The following NCKAP1L variants were observed in gnomAD, a reference collection of about 807,000 sequenced individuals.
The protein encoded by NCKAP1L is NCK associated protein 1 like.
Under a neutral mutation model 139.2 loss-of-function variants are expected in NCKAP1L, and 53 were observed. The observed-to-expected ratio is 0.38, with a 90% CI of 0.31 to 0.48. The LOEUF (loss-of-function observed/expected upper bound fraction) is 0.48, where lower values mean the gene tolerates loss of function less well. Ranked by LOEUF, NCKAP1L falls within the 20% of genes least tolerant of loss-of-function variation. NCKAP1L has a pLI of 0.98. For synonymous variants in NCKAP1L, 468 were observed against 499.7 expected (o/e 0.94, Z 0.85); for missense variants, 1,151 against 1,381.9 (o/e 0.83, Z 2.65).
intron 13 of NCKAP1L, among the ~76,000 whole-genome samples, 172 bp downstream of exon 13, chr12:54,518,110 G>A (rs1956948707): frequency 1.3e-5 from 2 of 152,092 alleles, no homozygotes; most frequent in African/African-American, 2.4e-5. Context: ...GGAGGCCTAG[G>A]CGGGCAGATC....
intron 29 of NCKAP1L, among the ~76,000 whole-genome samples, chr12:54,538,019 C>T (rs1388704559): frequency 6.6e-6 from 1 of 152,180 alleles, no homozygotes; most frequent in Non-Finnish European, 1.5e-5. Flanking sequence ...ACTTCTGATA[C>T]ATGGTCCATT....
chr12:54,511,037 G>A (rs1956884544), intron 7 of NCKAP1L, among the ~76,000 whole-genome samples: 1 of 152,154 alleles, frequency 6.6e-6, no homozygotes, highest in African/African-American at 2.4e-5. Context: ...GTCTGGTAGG[G>A]AACATATGCC....
chr12:54,503,520 A>G (rs1159875641), intron 3 of NCKAP1L, among the ~76,000 whole-genome samples: 1 of 152,128 alleles, frequency 6.6e-6, no homozygotes, highest in Non-Finnish European at 1.5e-5. Flanking sequence ...GTGATAATTG[A>G]TATATCCAAT....
rs1012039858 is a variant in NCKAP1L, at chr12:54,546,285, G to C, written c.*3600G>C. ...GAGGTGGGGAGGATCGCTTGAGTCC[G>C]GGAGGCAGAGGTTGCAGTGAGCGAA... On this transcript the variant is annotated 3_prime_UTR_variant, in exon 31 of 31. Coordinates refer to ENST00000293373, the MANE Select transcript of NCKAP1L (RefSeq NM_005337.5). 6.6e-6 allele frequency: 1 copy of C among 151,624 alleles called. No individual in the cohort carries two copies. The highest frequency in any genetic ancestry group is 2.4e-5 in the African/African-American group (1 of 41,148). The allele number at this position is 151,624 out of a possible 1,614,324, so 9.4% of individuals were successfully genotyped here. A position where few individuals can be genotyped will look rare whatever the true frequency, so the allele number is the denominator to read the frequency against.
chr12:54,542,194 T>C (rs890506247), intron 30 of NCKAP1L, among the ~76,000 whole-genome samples: 7 of 152,148 alleles, frequency 4.6e-5, no homozygotes, highest in African/African-American at 1.7e-4. Flanking sequence ...TGTTTGTTTC[T>C]CTTGCTGCAA....
At chr12:54,511,197 ATTG>A (rs1296450059) in intron 7 of NCKAP1L, among the ~76,000 whole-genome samples, 7 of 152,316 alleles carry the variant, frequency 4.6e-5, no homozygotes, top group Non-Finnish European at 1.0e-4. Context: ...TCTTCATTTT[ATTG>A]TTATTAAAAA....
Position 54,521,252 on chromosome 12 carries a change from T to A in NCKAP1L, c.1878+14T>A. 1.2e-6 allele frequency: 2 copies of A among 1,613,178 alleles called. No homozygotes were observed. Among genetic ancestry groups the A allele is most frequent in the Non-Finnish European group, 1.7e-6 (2 of 1,179,338 alleles). ...CTGAGCGAGCAGGTAGACTCAGCCC[T>A]CTCTGTTTCACTCTCCCCTCTGCCA... On this transcript the variant is annotated intron_variant, in intron 18 of 30. Coordinates refer to ENST00000293373, the MANE Select transcript of NCKAP1L (RefSeq NM_005337.5).
chr12:54,521,330 C>T (rs1232279146), intron 18 of NCKAP1L, 92 bp downstream of exon 18: 1 of 1,533,880 alleles, frequency 6.5e-7, no homozygotes, highest in Non-Finnish European at 8.9e-7. Context: ...AGATGCCAAG[C>T]TCAGTAACTC....
At chr12:54,532,130 T>C in intron 25 of NCKAP1L, 40 bp from the exon 26 acceptor site, 2 of 1,452,542 alleles carry the variant, frequency 1.4e-6, no homozygotes, top group Middle Eastern at 1.8e-4. Context: ...AAGGCATTGG[T>C]CATGGTCTTG....
In NCKAP1L at chr12:54,519,303, G is replaced by T. The variant is rs772860586; in HGVS notation, c.1596G>T (p.Leu532=). Residue 532 remains leucine (L), a synonymous_variant, in exon 16 of 31, where the codon CTG becomes CTT. Coordinates refer to ENST00000293373, the MANE Select transcript of NCKAP1L (RefSeq NM_005337.5). ...TGCTGGACTCCGTAGAAAAATTGCT[G>T]GTGGAAACTTCTGATCTGTCTACTT... ...SRMLDSVEKL[L]VETSDLSTFC... 1 of 1,583,362 alleles carries T rather than the reference G, an allele frequency of 6.3e-7. No homozygotes were observed. The highest frequency in any genetic ancestry group is 1.4e-5 in the African/African-American group (1 of 73,006).
chr12:54,546,869 C>T lies in NCKAP1L; in HGVS notation c.*4184C>T, dbSNP rs1009731845. 8 of 152,242 alleles carry T rather than the reference C, an allele frequency of 5.3e-5. No homozygotes were observed. The highest frequency in any genetic ancestry group is 1.9e-4 in the African/African-American group (8 of 41,448). The allele number at this position is 152,242 out of a possible 1,614,324, so 9.4% of individuals were successfully genotyped here. On this transcript the variant is annotated 3_prime_UTR_variant, in exon 31 of 31. Transcript: ENST00000293373. ...TGAGGAGCAGACTTTTCTCTTGTCA[C>T]TTTGGAAGGAGAGGATTGTGAGGCT...
At chr12:54,497,982 C>T (rs7970352) in intron 1 of NCKAP1L, 91 bp downstream of exon 1, 1 of 750,872 alleles carries the variant, frequency 1.3e-6, no homozygotes, top group Non-Finnish European at 2.4e-6. Flanking sequence ...TAGACTCCCA[C>T]CTTTTTTTCC....
chr12:54,516,915 C>A lies in NCKAP1L; in HGVS notation c.1018C>A (p.Arg340=), dbSNP rs764565874. ...CCTTAGTGGCCAGTTTCATTGTCAA[C>A]GGCGGCAATTTCTGCGGATGGCAGT... The part of the protein sequence containing the change: ...IANSGQFHCQ[R]RQFLRMAVKE... Residue 340 remains arginine (R), a synonymous_variant, in exon 11 of 31, where the codon CGG becomes AGG. Coordinates refer to ENST00000293373, the MANE Select transcript of NCKAP1L (RefSeq NM_005337.5). The A allele has an allele frequency of 1.9e-6, 3 of 1,612,066 alleles. No individual in the cohort carries two copies. Among genetic ancestry groups the A allele is most frequent in the South Asian group, 1.1e-5 (1 of 91,054 alleles).
chr12:54,528,201 A>G lies in NCKAP1L; in HGVS notation c.2376-46A>G, dbSNP rs568415572. 5.7e-5 allele frequency: 91 copies of G among 1,600,300 alleles called. 1 individual carries two copies. The East Asian group carries it at 1.4e-3, about 25-fold the overall frequency. ...GTAGTAGTAGGGAATGCTGGTAGGG[A>G]GAAGGGATTGGATCCTAATCTATGT... On this transcript the variant is annotated intron_variant, in intron 21 of 30. Coordinates refer to ENST00000293373, the MANE Select transcript of NCKAP1L (RefSeq NM_005337.5).
At position 54,545,162 on chromosome 12, in the gene NCKAP1L, T is replaced by G. The variant is rs538016430; in HGVS notation, c.*2477T>G. ...CAGATATATTCTCTATTTCTAAAAT[T>G]TTGTCATTTGATATATCTTTTTGTA... On this transcript the variant is annotated 3_prime_UTR_variant, in exon 31 of 31. Coordinates refer to ENST00000293373, the MANE Select transcript of NCKAP1L (RefSeq NM_005337.5). The G allele has an allele frequency of 1.3e-5, 2 of 152,334 alleles. No individual in the cohort carries two copies. The highest frequency in any genetic ancestry group is 3.9e-4 in the East Asian group (2 of 5,190). The allele number at this position is 152,334 out of a possible 1,614,324, so 9.4% of individuals were successfully genotyped here.
chr12:54,517,020 A>G, intron 11 of NCKAP1L, 28 bp downstream of exon 11: 1 of 1,580,664 alleles, frequency 6.3e-7, no homozygotes, highest in Non-Finnish European at 8.7e-7. Flanking sequence ...TGGGAGGGGA[A>G]TGATGGCCAG....
chr12:54,538,694 G>C (rs898406415), intron 29 of NCKAP1L, among the ~76,000 whole-genome samples, 190 bp from the exon 30 acceptor site: 4 of 152,210 alleles, frequency 2.6e-5, no homozygotes, highest in African/African-American at 9.7e-5. Context: ...AGGTCAGTGA[G>C]ATCCAGGCTG....
At chr12:54,535,830 T>C (rs976707563) in intron 27 of NCKAP1L, among the ~76,000 whole-genome samples, 1 of 152,174 alleles carries the variant, frequency 6.6e-6, no homozygotes, top group Non-Finnish European at 1.5e-5. Context: ...CTCCATCCTA[T>C]CAGGCAGTGG....
chr12:54,520,199 A>G (rs2120927103), intron 16 of NCKAP1L, among the ~76,000 whole-genome samples: 1 of 152,368 alleles, frequency 6.6e-6, no homozygotes, highest in African/African-American at 2.4e-5. Context: ...GGACATCAAC[A>G]TAGTACTTGC....
Sources: gnomAD v4.1 joint callset for allele counts (sites outside exome capture counted in the v4.1 genomes callset) on GRCh38, gnomAD v4.1.1 for gene constraint, MANE v1.5 for transcripts, NCBI Gene and HGNC (gene_info 2026-07-23, HGNC 2026-07-21) for gene names.